Variants in PTPRM observed in about 807,000 individuals in gnomAD.
PTPRM encodes protein tyrosine phosphatase receptor type M, also known as receptor-type tyrosine-protein phosphatase mu.
A neutral mutation model predicts 186.7 loss-of-function variants in PTPRM; 47 were observed. That is an observed-to-expected ratio of 0.25 (90% CI 0.20 to 0.32). PTPRM has a LOEUF of 0.32. PTPRM is among the 10% of genes least tolerant of loss of function. The pLI, the probability that PTPRM is intolerant of heterozygous loss-of-function variation, is 1.00. For missense variants in PTPRM, 1,494 were observed against 1,865.0 expected (o/e 0.80, Z 3.66); for synonymous variants, 668 against 674.9 (o/e 0.99, Z 0.16).
intron 2 of PTPRM, among the ~76,000 whole-genome samples, chr18:7,824,203 C>T (rs1363628298): frequency 1.3e-5 from 2 of 152,190 alleles, no homozygotes; most frequent in African/African-American, 2.4e-5. Flanking sequence ...TGAGCATTAC[C>T]TGGACTCTGT....
rs556742325 is a variant in PTPRM at position 8,365,185 on chromosome 18, A to G, written c.3055-5705A>G. Among the ~76,000 whole-genome samples the G allele has an allele frequency of 2.0e-4, 30 of 152,230 alleles. No homozygotes were observed. The South Asian group carries it at 6.2e-3, about 32-fold the overall frequency. On this transcript the variant is annotated intron_variant, in intron 23 of 32. Coordinates refer to ENST00000580170, the MANE Select transcript of PTPRM (RefSeq NM_001105244.2). Reference sequence around the variant, plus strand: ...AAGCACCTTGAGTTCCATCCTCCCAAAGGGCCCTGTAGCTGGAGTCAGAGC... The same window carrying G: ...AAGCACCTTGAGTTCCATCCTCCCAGAGGGCCCTGTAGCTGGAGTCAGAGC...
At chr18:7,756,826 G>A (rs1381604885) in intron 1 of PTPRM, among the ~76,000 whole-genome samples, 1 of 152,112 alleles carries the variant, frequency 6.6e-6, no homozygotes, top group Non-Finnish European at 1.5e-5. Context: ...GTGTTGTAAA[G>A]GGGGGACAAC....
At chr18:7,872,294 C>A (rs775642692) in intron 2 of PTPRM, among the ~76,000 whole-genome samples, 1 of 152,206 alleles carries the variant, frequency 6.6e-6, no homozygotes, top group African/African-American at 2.4e-5. Flanking sequence ...TTGATTGTAA[C>A]TCAAGATATC....
chr18:7,658,876 C>G (rs1489881705), intron 1 of PTPRM, among the ~76,000 whole-genome samples: 1 of 146,524 alleles, frequency 6.8e-6, no homozygotes, highest in Non-Finnish European at 1.5e-5. Flanking sequence ...CTCATTCATT[C>G]CCCAGTTCTT....
chr18:7,687,043 C>T (rs1023222246), intron 1 of PTPRM, among the ~76,000 whole-genome samples: 6 of 152,118 alleles, frequency 3.9e-5, no homozygotes, highest in African/African-American at 7.2e-5. Flanking sequence ...CTGGCTTATT[C>T]AAAATGATTT....
chr18:8,357,505 G>A (rs569273518), intron 23 of PTPRM, among the ~76,000 whole-genome samples: 29 of 152,284 alleles, frequency 1.9e-4, no homozygotes, highest in African/African-American at 6.0e-4. Flanking sequence ...CAGCAGGGCC[G>A]CAGCGGGTTC....
chr18:8,372,445 A>G (rs1357787283), intron 24 of PTPRM, among the ~76,000 whole-genome samples: 1 of 152,162 alleles, frequency 6.6e-6, no homozygotes, highest in Admixed American at 6.5e-5. Context: ...AAATCAAGGA[A>G]ATTGCAACAT....
chr18:7,895,533 G>C (rs1015143343), intron 3 of PTPRM, among the ~76,000 whole-genome samples: 6 of 152,142 alleles, frequency 3.9e-5, no homozygotes, highest in Non-Finnish European at 8.8e-5. Context: ...GTGAGGGTCC[G>C]TGCAGTTCTC....
At chr18:8,115,217 T>C (rs1048101390) in intron 13 of PTPRM, among the ~76,000 whole-genome samples, 1 of 152,166 alleles carries the variant, frequency 6.6e-6, no homozygotes, top group Non-Finnish European at 1.5e-5. Context: ...CACCCACTAT[T>C]TTTAAGTAGT....
intron 20 of PTPRM, among the ~76,000 whole-genome samples, chr18:8,311,845 T>C (rs2095270927): frequency 6.6e-6 from 1 of 152,052 alleles, no homozygotes; most frequent in Non-Finnish European, 1.5e-5. Context: ...TGGTGGAGAT[T>C]GACGTCCCTA....
At chr18:8,375,775 A>T (rs1221310066) in intron 24 of PTPRM, among the ~76,000 whole-genome samples, 1 of 152,188 alleles carries the variant, frequency 6.6e-6, no homozygotes, top group Non-Finnish European at 1.5e-5. Context: ...CAAACAACCC[A>T]ACCAATTCAT....
intron 7 of PTPRM, among the ~76,000 whole-genome samples, chr18:8,055,844 A>T (rs1312537988): frequency 6.6e-6 from 1 of 152,152 alleles, no homozygotes; most frequent in Non-Finnish European, 1.5e-5. Context: ...TTCGTATGAG[A>T]TTACCTTGAG....
chr18:8,119,303 T>A (rs1285261031), intron 13 of PTPRM, among the ~76,000 whole-genome samples: 2 of 152,176 alleles, frequency 1.3e-5, no homozygotes, highest in Non-Finnish European at 2.9e-5. Context: ...ACAGACTGTT[T>A]TTCTGTTCAC....
chr18:8,229,705 A>G (rs2094260975), intron 14 of PTPRM, among the ~76,000 whole-genome samples: 1 of 151,914 alleles, frequency 6.6e-6, no homozygotes, highest in Non-Finnish European at 1.5e-5. Flanking sequence ...GTTTTAAAAG[A>G]AAGCCAATCT....
At chr18:8,181,461 A>C (rs770975926) in intron 14 of PTPRM, among the ~76,000 whole-genome samples, 1 of 152,152 alleles carries the variant, frequency 6.6e-6, no homozygotes, top group Non-Finnish European at 1.5e-5. Flanking sequence ...GCCTCACTGG[A>C]AGCCTGTGTT....
chr18:7,773,826 C>T (rs192709998), intron 1 of PTPRM, among the ~76,000 whole-genome samples: 32 of 152,222 alleles, frequency 2.1e-4, no homozygotes, highest in Middle Eastern at 3.4e-3. Context: ...GCGATCTGGC[C>T]GCCTCAGCCT....
At chr18:8,279,523 G>A (rs979013483) in intron 19 of PTPRM, among the ~76,000 whole-genome samples, 5 of 152,222 alleles carry the variant, frequency 3.3e-5, no homozygotes, top group East Asian at 1.9e-4. Flanking sequence ...TTCACTTGAC[G>A]CTGTGTCTTG....
chr18:8,375,891 G>A (rs2095691584), intron 24 of PTPRM, among the ~76,000 whole-genome samples, 155 bp from the exon 25 acceptor site: 2 of 152,124 alleles, frequency 1.3e-5, no homozygotes, highest in Non-Finnish European at 2.9e-5. Context: ...CATTGTGTGT[G>A]AGATCTAAGG....
chr18:8,087,312 G>T (rs550416127), intron 10 of PTPRM, among the ~76,000 whole-genome samples: 40 of 152,040 alleles, frequency 2.6e-4, no homozygotes, highest in Non-Finnish European at 4.9e-4. Flanking sequence ...ATTTTTATTA[G>T]ATAAGAATTC....
Sources: allele counts gnomAD v4.1 joint callset (sites outside exome capture counted in the v4.1 genomes callset), GRCh38; gene constraint gnomAD v4.1.1; transcripts MANE v1.5; gene names NCBI Gene and HGNC (gene_info 2026-07-23, HGNC 2026-07-21).